Variants in TMEM132D observed in about 807,000 individuals in gnomAD.
TMEM132D encodes mature OL transmembrane protein.
In TMEM132D, 21 loss-of-function variants were observed where a neutral mutation model predicts 62.3. The ratio of observed to expected loss-of-function variants is 0.34; its 90% CI spans 0.24 to 0.49. The LOEUF is 0.49. Among genes scored for constraint, TMEM132D ranks in the 20% least tolerant of loss-of-function variants. The pLI is 0.99. For missense variants in TMEM132D, 1,346 were observed against 1,402.8 expected (o/e 0.96, Z 0.65); for synonymous variants, 621 against 575.6 (o/e 1.08, Z -1.13).
chr12:129,276,401 T>A (rs570962685), intron 4 of TMEM132D, among the ~76,000 whole-genome samples: 1 of 152,282 alleles, frequency 6.6e-6, no homozygotes, highest in Admixed American at 6.5e-5. Flanking sequence ...ACACTTACAA[T>A]AAATATATGA....
chr12:129,562,004 G>A (rs1309593376), intron 2 of TMEM132D, among the ~76,000 whole-genome samples: 1 of 152,140 alleles, frequency 6.6e-6, no homozygotes, highest in Non-Finnish European at 1.5e-5. Context: ...AAATAGAAAT[G>A]CCACTTTATT....
chr12:129,824,474 G>A (rs140890808), intron 1 of TMEM132D, among the ~76,000 whole-genome samples: 10 of 151,602 alleles, frequency 6.6e-5, no homozygotes, highest in East Asian at 3.9e-4. Flanking sequence ...TGAAGCCCTC[G>A]CCCCAAGTAT....
Position 129,699,822 on chromosome 12 carries a change from C to T in TMEM132D, c.956G>A (p.Arg319His), listed in dbSNP as rs1281009371. 3 of 1,613,822 alleles carry T rather than the reference C, an allele frequency of 1.9e-6. No homozygotes were observed. The highest frequency in any genetic ancestry group is 1.7e-4 in the Middle Eastern group (1 of 6,060). Residue 319 changes from arginine to histidine, a missense_variant, in exon 2 of 9, where the codon CGC becomes CAC. Transcript: ENST00000422113. ...GGAAACGACTTACCTCAACGTGAAGCGATCTTCAGTGGAATTTCTGGAGAT... is the reference window on the plus strand; with the variant it reads ...GGAAACGACTTACCTCAACGTGAAGTGATCTTCAGTGGAATTTCTGGAGAT... ...VSISRNSTED[R>H]FTLRAKVKKG...
At chr12:129,261,782 T>C (rs912948670) in intron 4 of TMEM132D, among the ~76,000 whole-genome samples, 6 of 152,118 alleles carry the variant, frequency 3.9e-5, no homozygotes, top group African/African-American at 4.8e-5. Context: ...ACCAAGCATA[T>C]TGGATTAGGG....
rs538340889 is a variant in TMEM132D at position 129,266,565 on chromosome 12, C to T, written c.1300-56902G>A. Among the ~76,000 whole-genome samples, 11 of 148,378 alleles carry T rather than the reference C, an allele frequency of 7.4e-5. No homozygotes were observed. In the South Asian group the frequency reaches 2.4e-3, roughly 33 times the overall value. ...TCTATCCTTCCCTTCCTCTCCTTTC[C>T]TCTTCATTTTCTCTTCTTCCCCTTT... On this transcript the variant is annotated intron_variant, in intron 4 of 8. Coordinates refer to ENST00000422113, the MANE Select transcript of TMEM132D (RefSeq NM_133448.3).
Position 129,399,107 on chromosome 12 carries a change from T to A in TMEM132D, c.1116-61290A>T, listed in dbSNP as rs567845728. 5.0e-4 allele frequency among the ~76,000 whole-genome samples: 76 copies of A among 152,184 alleles called. 2 individuals are homozygous for A. The highest frequency in any genetic ancestry group is 9.0e-4 in the Non-Finnish European group (61 of 68,018). On this transcript the variant is annotated intron_variant, in intron 3 of 8. Transcript: ENST00000422113. Reference sequence around the variant, plus strand: ...CATGGGGACTGAACTTATCCTTGTATCAGGAGCCCATTCCAGTGATAACCA... The same window carrying A: ...CATGGGGACTGAACTTATCCTTGTAACAGGAGCCCATTCCAGTGATAACCA...
intron 5 of TMEM132D, among the ~76,000 whole-genome samples, chr12:129,119,211 A>T (rs1174549578): frequency 1.3e-5 from 2 of 152,112 alleles, no homozygotes; most frequent in African/African-American, 4.8e-5. Context: ...ATTTAGGGGA[A>T]TGCATGCAGT....
chr12:129,105,985 C>T (rs1251747499), intron 5 of TMEM132D, among the ~76,000 whole-genome samples: 1 of 151,740 alleles, frequency 6.6e-6, no homozygotes, highest in Admixed American at 6.6e-5. Context: ...TATTGTGGCA[C>T]TATTCACGAT....
At chr12:129,439,374 T>C (rs1009861637) in intron 3 of TMEM132D, among the ~76,000 whole-genome samples, 10 of 152,330 alleles carry the variant, frequency 6.6e-5, no homozygotes, top group East Asian at 5.8e-4. Flanking sequence ...GCATCAACTA[T>C]TCTATTCTGT....
chr12:129,370,045 G>A (rs1870546787), intron 3 of TMEM132D, among the ~76,000 whole-genome samples: 1 of 152,216 alleles, frequency 6.6e-6, no homozygotes, highest in African/African-American at 2.4e-5. Context: ...AGATCCACCT[G>A]TCATTCTTGG....
chr12:129,823,666 T>C (rs1039885356), intron 1 of TMEM132D, among the ~76,000 whole-genome samples: 7 of 152,156 alleles, frequency 4.6e-5, no homozygotes, highest in African/African-American at 1.7e-4. Context: ...GTGTTTAGAA[T>C]TCAGCTGTAG....
chr12:129,385,016 C>T (rs1419008373), intron 3 of TMEM132D, among the ~76,000 whole-genome samples: 1 of 149,208 alleles, frequency 6.7e-6, no homozygotes, highest in Non-Finnish European at 1.5e-5. Flanking sequence ...TCTATTATAA[C>T]AAAACATCCC....
chr12:129,722,367 C>T (rs1464802068), intron 1 of TMEM132D, among the ~76,000 whole-genome samples: 1 of 152,222 alleles, frequency 6.6e-6, no homozygotes, highest in East Asian at 1.9e-4. Flanking sequence ...GCCACCCCAA[C>T]CTGGGCCTGC....
intron 5 of TMEM132D, among the ~76,000 whole-genome samples, chr12:129,198,052 C>T (rs1878596956): frequency 6.6e-6 from 1 of 152,148 alleles, no homozygotes. Flanking sequence ...TCACGAATCA[C>T]TACGGAATGA....
chr12:129,900,680 C>A (rs1261987163), intron 1 of TMEM132D, among the ~76,000 whole-genome samples: 3 of 152,308 alleles, frequency 2.0e-5, no homozygotes, highest in Middle Eastern at 3.4e-3. Context: ...CTCAGCCCAC[C>A]CTCCATACAC....
At chr12:129,372,934 C>T (rs767774550) in intron 3 of TMEM132D, among the ~76,000 whole-genome samples, 6 of 152,142 alleles carry the variant, frequency 3.9e-5, no homozygotes, top group African/African-American at 7.2e-5. Context: ...TTGTCTTCCA[C>T]GAAACTGGTT....
chr12:129,076,352 T>G (rs887393504), intron 8 of TMEM132D, among the ~76,000 whole-genome samples: 1 of 152,182 alleles, frequency 6.6e-6, no homozygotes, highest in African/African-American at 2.4e-5. Context: ...TTCTGTGAGA[T>G]CCCTATAATC....
At chr12:129,432,132 TGG>T (rs1872670407) in intron 3 of TMEM132D, among the ~76,000 whole-genome samples, 1 of 144,868 alleles carries the variant, frequency 6.9e-6, no homozygotes, top group Admixed American at 6.9e-5. Context: ...GGTGGATGGA[TGG>T]ATGGATGGAT....
At chr12:129,132,074 C>A (rs1276857799) in intron 5 of TMEM132D, among the ~76,000 whole-genome samples, 1 of 152,172 alleles carries the variant, frequency 6.6e-6, no homozygotes, top group African/African-American at 2.4e-5. Context: ...TCCTCCACCT[C>A]ACTGTTTTTT....
Sources: allele counts gnomAD v4.1 joint callset (sites outside exome capture counted in the v4.1 genomes callset), GRCh38; gene constraint gnomAD v4.1.1; transcripts MANE v1.5; gene names NCBI Gene and HGNC (gene_info 2026-07-23, HGNC 2026-07-21).